CACNB2: variants seen among roughly 807,000 people sequenced by gnomAD.
The protein encoded by CACNB2 is calcium voltage-gated channel auxiliary subunit beta 2.
In CACNB2, 42 loss-of-function variants were observed where a neutral mutation model predicts 73.3. That is an observed-to-expected ratio of 0.57 (90% CI 0.45 to 0.74). CACNB2 has a LOEUF of 0.74. Among genes scored for constraint, CACNB2 ranks in the 30% least tolerant of loss-of-function variants. CACNB2 has a pLI of 0.00. For missense variants in CACNB2, 940 were observed against 853.0 expected, an observed-to-expected ratio of 1.10 and a Z score of -1.27; for synonymous variants, 348 against 310.3, an observed-to-expected ratio of 1.12 and a Z score of -1.28.
At chr10:18,261,859 T>A in intron 2 of CACNB2, 2 of 506,014 alleles carry the variant, frequency 4.0e-6, no homozygotes, top group Non-Finnish European at 7.9e-6. Flanking sequence ...TTCATGGCCC[T>A]GCTGTGTTTT....
chr10:18,428,696 AAAAAAAAAAAG>A (rs1373613338), intron 3 of CACNB2, among the ~76,000 whole-genome samples: 6 of 44,876 alleles, frequency 1.3e-4, no homozygotes, highest in African/African-American at 6.2e-4. Flanking sequence ...AAAAAAAAAA[AAAAAAAAAAAG>A]GAATGATTTT....
rs2033976829 is a variant in CACNB2, at chr10:18,183,178, A to G, written c.213+32203A>G. Among the ~76,000 whole-genome samples the G allele has an allele frequency of 3.3e-5, 5 of 152,138 alleles. No individual in the cohort carries two copies. The South Asian group carries it at 8.3e-4, about 25-fold the overall frequency. On this transcript the variant is annotated intron_variant, in intron 2 of 13. Coordinates refer to ENST00000324631, the MANE Select transcript of CACNB2 (RefSeq NM_201596.3). The stretch of plus-strand genomic sequence containing the variant: ...AGATCCCAGTATCAACCCACACACC[A>G]GGATTAAATGAGATATTATATGTGA...
At chr10:18,280,446 A>G (rs1476380837) in intron 2 of CACNB2, among the ~76,000 whole-genome samples, 1 of 152,172 alleles carries the variant, frequency 6.6e-6, no homozygotes, top group Non-Finnish European at 1.5e-5. Context: ...CCTAAAGTCT[A>G]CTATTGAATT....
rs186754667 is a variant in CACNB2, at chr10:18,369,931, A to G, written c.214-31993A>G. 5.9e-4 allele frequency among the ~76,000 whole-genome samples: 90 copies of G among 152,308 alleles called. 1 individual carries two copies. Among genetic ancestry groups the G allele is most frequent in the Admixed American group, 5.4e-3 (83 of 15,296 alleles). On this transcript the variant is annotated intron_variant, in intron 2 of 13. Transcript: ENST00000324631. Reference sequence around the variant, plus strand: ...CAAAAAATCAAAATAAAAAGGGACAAGATATATCTCTTTTCTGTTCAGAAA... The same window carrying G: ...CAAAAAATCAAAATAAAAAGGGACAGGATATATCTCTTTTCTGTTCAGAAA...
intron 3 of CACNB2, among the ~76,000 whole-genome samples, chr10:18,408,110 A>G (rs758216223): frequency 2.0e-5 from 3 of 152,094 alleles, no homozygotes; most frequent in African/African-American, 4.8e-5. Context: ...GTTATCCTGT[A>G]GGAAGTGCAA....
chr10:18,347,976 T>C (rs1455261292), intron 2 of CACNB2, among the ~76,000 whole-genome samples: 5 of 152,250 alleles, frequency 3.3e-5, no homozygotes, highest in African/African-American at 4.8e-5. Flanking sequence ...TAATTAATGC[T>C]GATTTGATAT....
intron 2 of CACNB2, among the ~76,000 whole-genome samples, chr10:18,379,005 G>T (rs2042911744): frequency 6.6e-6 from 1 of 152,062 alleles, no homozygotes; most frequent in African/African-American, 2.4e-5. Flanking sequence ...CTTTCTTCCA[G>T]CAGACTTTTA....
At chr10:18,312,247 C>G (rs2039990766) in intron 2 of CACNB2, among the ~76,000 whole-genome samples, 3 of 152,134 alleles carry the variant, frequency 2.0e-5, no homozygotes, top group African/African-American at 4.8e-5. Context: ...ACTACTCAGT[C>G]ACACATTTTA....
chr10:18,489,573 G>T (rs1048084916), intron 3 of CACNB2, among the ~76,000 whole-genome samples: 11 of 151,936 alleles, frequency 7.2e-5, no homozygotes, highest in Admixed American at 2.0e-4. Context: ...ACAGTGAATG[G>T]CTGGGAGAAC....
chr10:18,198,139 ATATT>A (rs2131298767), intron 2 of CACNB2, among the ~76,000 whole-genome samples: 1 of 148,452 alleles, frequency 6.7e-6, no homozygotes, highest in Non-Finnish European at 1.5e-5. Flanking sequence ...ATATTAATAT[ATATT>A]ACATATCACA....
chr10:18,437,706 A>G (rs2046207454), intron 3 of CACNB2, among the ~76,000 whole-genome samples: 1 of 152,194 alleles, frequency 6.6e-6, no homozygotes, highest in Admixed American at 6.5e-5. Flanking sequence ...GTATCTGACT[A>G]TCTTTGACAG....
chr10:18,362,266 T>A (rs1234054931), intron 2 of CACNB2, among the ~76,000 whole-genome samples: 1 of 152,230 alleles, frequency 6.6e-6, no homozygotes, highest in Non-Finnish European at 1.5e-5. Context: ...ATTAAAACAT[T>A]TTCAACTTAA....
chr10:18,306,833 A>C (rs2039747789), intron 2 of CACNB2, among the ~76,000 whole-genome samples: 1 of 152,156 alleles, frequency 6.6e-6, no homozygotes, highest in African/African-American at 2.4e-5. Flanking sequence ...AGGGTTAGAG[A>C]TCATGGGAAA....
At chr10:18,237,908 G>A (rs1462571946) in intron 2 of CACNB2, among the ~76,000 whole-genome samples, 1 of 152,204 alleles carries the variant, frequency 6.6e-6, no homozygotes, top group Non-Finnish European at 1.5e-5. Flanking sequence ...ATGCTAACAA[G>A]GCTGGACTTT....
intron 2 of CACNB2, among the ~76,000 whole-genome samples, chr10:18,375,259 T>C (rs1344630374): frequency 6.6e-6 from 1 of 152,130 alleles, no homozygotes; most frequent in Non-Finnish European, 1.5e-5. Context: ...TGTCTTCTTC[T>C]CTTTTATTTT....
At chr10:18,141,318 T>C (rs2030377194) in intron 1 of CACNB2, 1 of 1,032,266 alleles carries the variant, frequency 9.7e-7, no homozygotes, top group African/African-American at 1.6e-5. Flanking sequence ...GGTGTGAGGA[T>C]GATGGGGTGC....
At chr10:18,429,184 A>G (rs1220995448) in intron 3 of CACNB2, among the ~76,000 whole-genome samples, 1 of 152,220 alleles carries the variant, frequency 6.6e-6, no homozygotes, top group Admixed American at 6.5e-5. Flanking sequence ...TTGTAGGTTT[A>G]TACTTTTTCC....
At chr10:18,306,344 G>A (rs1369186736) in intron 2 of CACNB2, among the ~76,000 whole-genome samples, 1 of 152,118 alleles carries the variant, frequency 6.6e-6, no homozygotes, top group Non-Finnish European at 1.5e-5. Context: ...TAGAAGATAG[G>A]ACAAATACAG....
chr10:18,457,280 G>T (rs183627810), intron 3 of CACNB2, among the ~76,000 whole-genome samples: 1 of 152,058 alleles, frequency 6.6e-6, no homozygotes, highest in East Asian at 1.9e-4. Context: ...TATAGAGACG[G>T]GACCTCTGTA....
Sources: gnomAD v4.1 joint callset for allele counts (sites outside exome capture counted in the v4.1 genomes callset) on GRCh38, gnomAD v4.1.1 for gene constraint, MANE v1.5 for transcripts, NCBI Gene and HGNC (gene_info 2026-07-23, HGNC 2026-07-21) for gene names.